Variants in GPATCH2L observed in about 807,000 individuals in gnomAD.
The protein encoded by GPATCH2L is G patch domain-containing protein 2-like.
A neutral mutation model predicts 57.4 loss-of-function variants in GPATCH2L; 31 were observed. The ratio of observed to expected loss-of-function variants is 0.54; its 90% CI spans 0.41 to 0.73. The LOEUF (loss-of-function observed/expected upper bound fraction) is 0.73, where lower values mean the gene tolerates loss of function less well. GPATCH2L is among the 30% of genes least tolerant of loss of function. GPATCH2L has a pLI of 0.00. For synonymous variants in GPATCH2L, 199 were observed against 210.7 expected, an observed-to-expected ratio of 0.94 and a Z score of 0.48; for missense variants, 481 against 599.9, an observed-to-expected ratio of 0.80 and a Z score of 2.07.
rs374436327 is a variant in GPATCH2L, at chr14:76,180,770, C to A, written c.1114C>A (p.Pro372Thr). The A allele has an allele frequency of 1.2e-6, 2 of 1,608,272 alleles. No homozygotes were observed. The highest frequency in any genetic ancestry group is 1.7e-6 in the Non-Finnish European group (2 of 1,174,626). The part of the protein sequence containing the change: ...HISACAHEFN[P>T]LSPLYSLDVL... The stretch of plus-strand genomic sequence containing the variant: ...GTCTTATTCATTCCTGCAGTTCAAT[C>A]CCCTGTCTCCCCTTTACTCCCTGGA... Residue 372 changes from proline to threonine, a missense_variant, in exon 8 of 10, where the codon CCC (proline) becomes ACC (threonine). Pro to Thr is a conservative substitution (Grantham distance 38). Transcript: ENST00000261530.
intron 2 of GPATCH2L, among the ~76,000 whole-genome samples, chr14:76,157,999 C>T (rs562540797): frequency 4.9e-4 from 74 of 152,280 alleles, no homozygotes; most frequent in African/African-American, 1.7e-3. Flanking sequence ...TTATTTTCTA[C>T]TGATCTTTAT....
chr14:76,173,763 A>T, intron 5 of GPATCH2L, 138 bp downstream of exon 5: 1 of 644,180 alleles, frequency 1.6e-6, no homozygotes, highest in East Asian at 2.7e-5. Context: ...GGGAGTTTAC[A>T]AGAGTGAACA....
rs373396340 is a variant in GPATCH2L at position 76,222,974 on chromosome 14, A to C, written c.66-6834A>C. Reference sequence around the variant, plus strand: ...GTGTTCAAAAAAAAAAAAAAAAAGAAAGAAAAAAAAGTTGAATCTGTAACT... The same window carrying C: ...GTGTTCAAAAAAAAAAAAAAAAAGACAGAAAAAAAAGTTGAATCTGTAACT... On this transcript the variant is annotated intron_variant and NMD_transcript_variant, in intron 1 of 3. Coordinates refer to the GPATCH2L transcript ENST00000556372. Among the ~76,000 whole-genome samples, 842 of 151,968 alleles carry C rather than the reference A, an allele frequency of 5.5e-3. 8 individuals carry two copies. The highest frequency in any genetic ancestry group is 0.019 in the African/African-American group (783 of 41,454).
chr14:76,154,505 C>G lies in GPATCH2L; in HGVS notation c.142C>G (p.Arg48Gly), dbSNP rs1280984786. Reference protein sequence around the residue: ...QLRKRRGRKRRSDFTHLAEHT... With the variant: ...QLRKRRGRKRGSDFTHLAEHT... ...TCGGAAACGCCGAGGTCGGAAGCGT[C>G]GTTCTGACTTCACTCACCTGGCAGA... is the stretch of plus-strand genomic sequence containing the variant. Residue 48 changes from arginine to glycine, a missense_variant, in exon 2 of 10, where the codon CGT becomes GGT. Arg to Gly is a moderately radical substitution (Grantham distance 125). Around this residue, in one of 3 missense-constraint regions of GPATCH2L, gnomAD observed 208 missense variants for 272.4 expected, o/e 0.76. Coordinates refer to ENST00000261530, the MANE Select transcript of GPATCH2L (RefSeq NM_017926.4). This position sits in a 1 kb window ranked among gnomAD's most constrained non-coding sequence, Gnocchi z 4.4. 3.7e-6 allele frequency: 6 copies of G among 1,614,072 alleles called. No individual in the cohort carries two copies. The Admixed American group carries it at 1.0e-4, about 27-fold the overall frequency.
At chr14:76,217,514 G>A (rs2040495112), downstream of GPATCH2L, among the ~76,000 whole-genome samples, 1 of 151,830 alleles carries the variant, frequency 6.6e-6, no homozygotes, top group Non-Finnish European at 1.5e-5. Context: ...ACAATGGAAA[G>A]TTTTGGGACC....
At chr14:76,219,091 A>T (rs775657300), downstream of GPATCH2L, among the ~76,000 whole-genome samples, 1 of 152,066 alleles carries the variant, frequency 6.6e-6, no homozygotes, top group Admixed American at 6.6e-5. Flanking sequence ...CAGAAGCCAT[A>T]AAAGAAAAGA....
chr14:76,227,479 G>C (rs2139872097), intron 1 of GPATCH2L, among the ~76,000 whole-genome samples: 1 of 152,284 alleles, frequency 6.6e-6, no homozygotes, highest in African/African-American at 2.4e-5. Flanking sequence ...AGAACCCAAA[G>C]TATGAAGTTG....
At position 76,154,134 on chromosome 14, in the gene GPATCH2L, A is replaced by T. The variant is rs746883916; in HGVS notation, c.-10-220A>T. 2 of 439,348 alleles carry T rather than the reference A, an allele frequency of 4.6e-6. No homozygotes were observed. Among genetic ancestry groups the T allele is most frequent in the Non-Finnish European group, 8.1e-6 (2 of 247,850 alleles). The allele number at this position is 439,348 out of a possible 1,614,324, so 27.2% of individuals were successfully genotyped here. On this transcript the variant is annotated intron_variant, in intron 1 of 9. Coordinates refer to ENST00000261530, the MANE Select transcript of GPATCH2L (RefSeq NM_017926.4). The surrounding 1 kb of genome is among the most constrained non-coding windows in gnomAD (Gnocchi z 4.4). ...AGAATATGTTGACTTCAGGCATTTAACAAGGGACAAAACATCTATTTTTAG... is the reference window on the plus strand; with the variant it reads ...AGAATATGTTGACTTCAGGCATTTATCAAGGGACAAAACATCTATTTTTAG...
chr14:76,187,424 A>G (rs996463038), intron 8 of GPATCH2L, among the ~76,000 whole-genome samples: 8 of 152,212 alleles, frequency 5.3e-5, no homozygotes, highest in Admixed American at 4.6e-4. Flanking sequence ...GTTAAAAATA[A>G]TTGAGGTGAA....
At position 76,156,010 on chromosome 14, in the gene GPATCH2L, A is replaced by T. The variant is rs1035784193; in HGVS notation, c.662+985A>T. ...TTAAGCACTCAACTATGGGCCAGGC[A>T]CTGTACTATGGACTTAGCATATACT... On this transcript the variant is annotated intron_variant, in intron 2 of 9. Coordinates refer to ENST00000261530, the MANE Select transcript of GPATCH2L (RefSeq NM_017926.4). Among the ~76,000 whole-genome samples the T allele has an allele frequency of 2.6e-5, 4 of 152,202 alleles. No homozygotes were observed. The South Asian group carries it at 8.3e-4, about 31-fold the overall frequency.
chr14:76,231,676 A>G (rs555441824), intron 2 of GPATCH2L, among the ~76,000 whole-genome samples: 3 of 150,872 alleles, frequency 2.0e-5, no homozygotes, highest in Non-Finnish European at 4.4e-5. Context: ...ACTAAGCTAC[A>G]CATATTAGCG....
intron 3 of GPATCH2L, among the ~76,000 whole-genome samples, chr14:76,170,911 T>C (rs1384622288): frequency 1.3e-5 from 2 of 152,228 alleles, no homozygotes; most frequent in African/African-American, 4.8e-5. Context: ...CTCTAGGCTT[T>C]AGTTGCCTTG....
chr14:76,222,307 G>C (rs2040518561), intron 1 of GPATCH2L, among the ~76,000 whole-genome samples: 1 of 152,184 alleles, frequency 6.6e-6, no homozygotes, highest in African/African-American at 2.4e-5. Context: ...CAATTTACCA[G>C]CTCAAGAGTA....
intron 1 of GPATCH2L, among the ~76,000 whole-genome samples, chr14:76,220,516 A>T (rs1265388889): frequency 6.6e-6 from 1 of 152,200 alleles, no homozygotes; most frequent in Middle Eastern, 3.2e-3. Context: ...AAAATTACAG[A>T]CCTAGAAGTA....
At chr14:76,214,383 T>A (rs1313703174), downstream of GPATCH2L, 2 of 152,232 alleles carry the variant, frequency 1.3e-5, no homozygotes, top group Non-Finnish European at 2.9e-5. Flanking sequence ...TAACTGGTTA[T>A]TGCTCTCTAT....
chr14:76,212,964 T>C lies in GPATCH2L; in HGVS notation c.*11113T>C, dbSNP rs769509129. On this transcript the variant is annotated 3_prime_UTR_variant, in exon 10 of 10. Transcript: ENST00000261530. ...AAAAAAACATTTCATATCTAAAATA[T>C]AAACTTGTTCCTCTGAGATACAAAT... is the stretch of plus-strand genomic sequence containing the variant. 6 of 152,118 alleles carry C rather than the reference T, an allele frequency of 3.9e-5. No individual in the cohort carries two copies. Among genetic ancestry groups the C allele is most frequent in the East Asian group, 1.9e-4 (1 of 5,196 alleles). The allele number at this position is 152,118 out of a possible 1,614,324, so 9.4% of individuals were successfully genotyped here.
At chr14:76,223,228 T>G (rs187607051) in intron 1 of GPATCH2L, among the ~76,000 whole-genome samples, 138 of 152,300 alleles carry the variant, frequency 9.1e-4, no homozygotes, top group South Asian at 2.1e-3. Flanking sequence ...AACATACTTA[T>G]AAATATCTTA....
intron 8 of GPATCH2L, among the ~76,000 whole-genome samples, chr14:76,189,260 T>C (rs1232208128): frequency 6.6e-6 from 1 of 152,152 alleles, no homozygotes; most frequent in African/African-American, 2.4e-5. Flanking sequence ...GGTATTTTGA[T>C]AGGGATTGCA....
rs1271913663 is a variant in GPATCH2L, at chr14:76,182,423, T to TA, written c.1193+1574_1193+1575insA. Among the ~76,000 whole-genome samples, 92 of 142,124 alleles carry TA rather than the reference T, an allele frequency of 6.5e-4. 1 individual carries two copies. Among genetic ancestry groups the TA allele is most frequent in the African/African-American group, 2.2e-3 (87 of 38,788 alleles). The allele number at this position is 142,124 out of a possible 152,430, so 93.2% of individuals were successfully genotyped here. On this transcript the variant is annotated intron_variant, in intron 8 of 9. Transcript: ENST00000261530. Reference sequence around the variant, plus strand: ...GAGTGAGACCTTGTTTCTACAAAATTTTTTTTTTTTAAATCATTTGTGTCT... The same window carrying TA: ...GAGTGAGACCTTGTTTCTACAAAATTATTTTTTTTTTAAATCATTTGTGTCT...
Sources: gnomAD v4.1 joint callset for allele counts (sites outside exome capture counted in the v4.1 genomes callset) on GRCh38, gnomAD v4.1.1 for gene constraint, gnomAD v4.1.1 regional missense constraint, Gnocchi (gnomAD v3.1) non-coding constraint, MANE v1.5 for transcripts, NCBI Gene and HGNC (gene_info 2026-07-23, HGNC 2026-07-21) for gene names.